The following OCIAD1 variants were observed in gnomAD, a reference collection of about 807,000 sequenced individuals.
The protein encoded by OCIAD1 is OCIA domain containing 1, also known as OCIA domain-containing protein 1.
OCIAD1 carries 29 observed loss-of-function variants against 38.9 expected under a neutral mutation model. The ratio of observed to expected loss-of-function variants is 0.74; its 90% CI spans 0.55 to 1.02. The LOEUF is 1.02. Among genes scored for constraint, OCIAD1 ranks in the 50% least tolerant of loss-of-function variants. The probability of loss-of-function intolerance (pLI) is 0.00; values close to 1 mark genes in which losing one functional copy is unlikely to be tolerated. For synonymous variants in OCIAD1, 110 were observed against 92.0 expected (o/e 1.20, Z -1.12); for missense variants, 288 against 289.6 (o/e 0.99, Z 0.04).
At chr4:48,810,791 G>A (rs60100156) in intron 1 of OCIAD1, among the ~76,000 whole-genome samples, 2,598 of 152,016 alleles carry the variant, frequency 0.017, 70 homozygotes, top group African/African-American at 0.059. Flanking sequence ...GGAAAAAAAG[G>A]CAGGAAATAG....
At position 48,850,005 on chromosome 4, in the gene OCIAD1, G is replaced by T; in HGVS notation, c.300G>T (p.Glu100Asp). The T allele has an allele frequency of 6.2e-7, 1 of 1,613,360 alleles. No homozygotes were observed. The highest frequency in any genetic ancestry group is 8.5e-7 in the Non-Finnish European group (1 of 1,179,762). The change falls in exon 6 of 9, where the codon GAG becomes GAT. Residue 100 changes from glutamate to aspartate, a missense_variant. Glu to Asp is a conservative substitution (Grantham distance 45, BLOSUM62 2). Transcript: ENST00000264312. ...GKLSYVKTCQEKFKKLENSPL... is the reference protein window; with the variant it reads ...GKLSYVKTCQDKFKKLENSPL... The stretch of plus-strand genomic sequence containing the variant: ...TTTCTTATGTGAAAACTTGCCAAGA[G>T]AAATTCAAGAAACTTGAAAATTCCC...
In OCIAD1 at chr4:48,831,167, G is replaced by C. The variant is rs918351966; in HGVS notation, c.-88G>C. ...GTACCTTGCACTTTTCTCCCTCCCT[G>C]CCCCCTCTCGAGTCCACCCTCCGGG... is the stretch of plus-strand genomic sequence containing the variant. On this transcript the variant is annotated 5_prime_UTR_variant, in exon 1 of 9. Coordinates refer to ENST00000264312, the MANE Select transcript of OCIAD1 (RefSeq NM_017830.4). The C allele has an allele frequency of 6.4e-6, 2 of 312,618 alleles. No individual in the cohort carries two copies. The highest frequency in any genetic ancestry group is 5.1e-5 in the South Asian group (2 of 39,564). 19.4% of individuals were successfully genotyped at this position (312,618 alleles called of 1,614,324 possible).
intron 1 of OCIAD1, chr4:48,831,586 G>A (rs1777504677): frequency 7.8e-7 from 1 of 1,282,866 alleles, no homozygotes; most frequent in African/African-American, 1.5e-5. Flanking sequence ...TTTGTGTAAA[G>A]AACTTAAAAT....
At chr4:48,836,811 A>G (rs1579059542) in intron 3 of OCIAD1, among the ~76,000 whole-genome samples, 1 of 152,152 alleles carries the variant, frequency 6.6e-6, no homozygotes, top group African/African-American at 2.4e-5. Context: ...GAATTAGGTG[A>G]TGATGTCCAT....
At chr4:48,829,422 G>T (rs1177265123), upstream of OCIAD1, among the ~76,000 whole-genome samples, 2 of 151,972 alleles carry the variant, frequency 1.3e-5, no homozygotes, top group African/African-American at 4.8e-5. Context: ...AGAAATATTT[G>T]TTGGCTTCAT....
In OCIAD1 at chr4:48,835,859, A is replaced by G. The variant is rs527583639; in HGVS notation, c.139+2378A>G. Reference sequence around the variant, plus strand: ...ACAACAACAAAAGAATTAATAGTTAATAAGTAGATAAGTGAAGAGGAAAGG... The same window carrying G: ...ACAACAACAAAAGAATTAATAGTTAGTAAGTAGATAAGTGAAGAGGAAAGG... On this transcript the variant is annotated intron_variant, in intron 3 of 8. Coordinates refer to ENST00000264312, the MANE Select transcript of OCIAD1 (RefSeq NM_017830.4). Among the ~76,000 whole-genome samples, 3 of 152,358 alleles carry G rather than the reference A, an allele frequency of 2.0e-5. No homozygotes were observed. The South Asian group carries it at 6.2e-4, about 32-fold the overall frequency.
At chr4:48,858,072 T>C (rs1780245355) in intron 8 of OCIAD1, among the ~76,000 whole-genome samples, 1 of 152,068 alleles carries the variant, frequency 6.6e-6, no homozygotes, top group Non-Finnish European at 1.5e-5. Flanking sequence ...GAGAACTGCA[T>C]GAACCCAGGA....
chr4:48,824,648 T>C lies in OCIAD1; in HGVS notation c.-102-5929T>C, dbSNP rs540104061. Among the ~76,000 whole-genome samples the C allele has an allele frequency of 4.4e-4, 67 of 152,234 alleles. No homozygotes were observed. The South Asian group carries it at 0.011, about 25-fold the overall frequency. The stretch of plus-strand genomic sequence containing the variant: ...GCGATCCTCCTGCCTTGGCCAGGTG[T>C]GAACCACCCACTGCACTGGCCTCTT... On this transcript the variant is annotated intron_variant, in intron 1 of 6. Transcript: ENST00000504654.
chr4:48,825,983 T>G (rs1158537881), intron 1 of OCIAD1, among the ~76,000 whole-genome samples: 1 of 151,926 alleles, frequency 6.6e-6, no homozygotes, highest in Non-Finnish European at 1.5e-5. Context: ...ATTACAGGCA[T>G]GCACCACCAC....
chr4:48,835,610 A>G (rs912768651), intron 3 of OCIAD1, among the ~76,000 whole-genome samples: 1 of 151,960 alleles, frequency 6.6e-6, no homozygotes, highest in African/African-American at 2.4e-5. Context: ...TTTGTTTTTT[A>G]TTTTTGTAGA....
At chr4:48,815,642 A>G (rs542080027) in intron 1 of OCIAD1, among the ~76,000 whole-genome samples, 1 of 152,342 alleles carries the variant, frequency 6.6e-6, no homozygotes, top group South Asian at 2.1e-4. Flanking sequence ...GATAATGTAG[A>G]CAGGGCTATC....
At chr4:48,852,887 T>G (rs1341843980) in intron 7 of OCIAD1, among the ~76,000 whole-genome samples, 1 of 140,430 alleles carries the variant, frequency 7.1e-6, no homozygotes, top group East Asian at 2.0e-4. Context: ...TTTTTGTTTT[T>G]TTTTTTTTTT....
Position 48,833,410 on chromosome 4 carries a change from C to G in OCIAD1, c.68C>G (p.Pro23Arg). The G allele has an allele frequency of 6.3e-7, 1 of 1,590,524 alleles. No homozygotes were observed. Among genetic ancestry groups the G allele is most frequent in the Non-Finnish European group, 8.6e-7 (1 of 1,160,180 alleles). The part of the protein sequence containing the change: ...EVPRPIPHIG[P>R]DYIPTEEERR... The stretch of plus-strand genomic sequence containing the variant: ...TTTCCCTGGTAAAAAGACATAGGGC[C>G]TGATTACATTCCAACAGAGGAAGAA... The change falls in exon 3 of 9, where the codon CCT becomes CGT. Residue 23 changes from proline to arginine, a missense_variant. Pro to Arg is a moderately radical substitution (Grantham distance 103). Coordinates refer to ENST00000264312, the MANE Select transcript of OCIAD1 (RefSeq NM_017830.4).
At chr4:48,856,156 A>C (rs1478834531) in intron 7 of OCIAD1, 2 of 151,954 alleles carry the variant, frequency 1.3e-5, no homozygotes, top group African/African-American at 4.8e-5. Context: ...GATCCTGTCA[A>C]CCAATATTAG....
intron 1 of OCIAD1, among the ~76,000 whole-genome samples, chr4:48,820,950 C>T (rs1777187321): frequency 1.3e-5 from 2 of 152,172 alleles, no homozygotes; most frequent in Non-Finnish European, 2.9e-5. Context: ...GACGAATTCA[C>T]AGCCGAATTC....
In OCIAD1 at chr4:48,822,929, T is replaced by C. The variant is rs537760064; in HGVS notation, c.-102-7648T>C. Among the ~76,000 whole-genome samples the C allele has an allele frequency of 3.8e-3, 583 of 152,336 alleles. 4 individuals carry two copies. The highest frequency in any genetic ancestry group is 6.3e-3 in the Non-Finnish European group (426 of 68,032). On this transcript the variant is annotated intron_variant, in intron 1 of 6. Transcript: ENST00000504654. The stretch of plus-strand genomic sequence containing the variant: ...GGCTGTGGAGAAATCGGAACGCTTT[T>C]ACACTGTTGGTGGGAGTGTAAATTA...
At chr4:48,857,755 C>T (rs549114297) in intron 8 of OCIAD1, among the ~76,000 whole-genome samples, 48 of 152,194 alleles carry the variant, frequency 3.2e-4, no homozygotes, top group African/African-American at 1.1e-3. Flanking sequence ...CCTTGTGATC[C>T]GCCTGCCTCA....
intron 1 of OCIAD1, among the ~76,000 whole-genome samples, chr4:48,814,487 C>T (rs1456346268): frequency 2.0e-5 from 3 of 151,898 alleles, no homozygotes; most frequent in African/African-American, 4.8e-5. Flanking sequence ...GGAGATAGAG[C>T]TGGAATTAAG....
At position 48,851,248 on chromosome 4, in the gene OCIAD1, C is replaced by G. The variant is rs575428950; in HGVS notation, c.378-558C>G. ...GAACTTTCAAACATACTAAAATTAT[C>G]TTGAAAGGCTGGGTATACATTTCCT... is the stretch of plus-strand genomic sequence containing the variant. On this transcript the variant is annotated intron_variant, in intron 6 of 8. Transcript: ENST00000264312. 2.0e-5 allele frequency among the ~76,000 whole-genome samples: 3 copies of G among 152,308 alleles called. No homozygotes were observed. The South Asian group carries it at 6.2e-4, about 32-fold the overall frequency.
Sources: gnomAD v4.1 joint callset for allele counts (sites outside exome capture counted in the v4.1 genomes callset) on GRCh38, gnomAD v4.1.1 for gene constraint, MANE v1.5 for transcripts, NCBI Gene and HGNC (gene_info 2026-07-23, HGNC 2026-07-21) for gene names.